The following TUSC3 variants were observed in gnomAD, a reference collection of about 807,000 sequenced individuals.
TUSC3 encodes tumor suppressor candidate 3.
A neutral mutation model predicts 44.8 loss-of-function variants in TUSC3; 45 were observed. That is an observed-to-expected ratio of 1.00 (90% confidence interval 0.79 to 1.29). The LOEUF (loss-of-function observed/expected upper bound fraction) is 1.29, where lower values mean the gene tolerates loss of function less well. Ranked by LOEUF, TUSC3 falls within the 50% of genes most tolerant of loss-of-function variation. TUSC3 has a pLI of 0.00. For synonymous variants in TUSC3, 212 were observed against 152.9 expected (o/e 1.39, Z -2.85); for missense variants, 519 against 437.9 (o/e 1.19, Z -1.65).
At chr8:15,461,925 G>A (rs955053314) in intron 1 of TUSC3, among the ~76,000 whole-genome samples, 2 of 152,018 alleles carry the variant, frequency 1.3e-5, no homozygotes, top group Non-Finnish European at 2.9e-5. Context: ...GTATGGATAT[G>A]TGGTGATTAT....
At chr8:15,851,020 A>T in the TUSC3 span, among the ~76,000 whole-genome samples, 1 of 152,296 alleles carries the variant, frequency 6.6e-6, no homozygotes, top group East Asian at 1.9e-4. Context: ...TGGGAATGGT[A>T]GGTTTGCTGA....
At chr8:15,725,280 C>T (rs755028726) in intron 6 of TUSC3, among the ~76,000 whole-genome samples, 21 of 152,062 alleles carry the variant, frequency 1.4e-4, no homozygotes, top group Non-Finnish European at 2.6e-4. Context: ...ATATGTATTA[C>T]TGAACAACTT....
rs1021635520 is a variant in TUSC3, at chr8:15,438,016, G to A, written n.91+20711G>A. The stretch of plus-strand genomic sequence containing the variant: ...AGGTCTTTCTACTTCTTACCAGCAG[G>A]TTGTTAAATATTTCTGAATATCAGT... On this transcript the variant is annotated intron_variant and non_coding_transcript_variant, in intron 1 of 5. Transcript: ENST00000503191. 8.5e-5 allele frequency among the ~76,000 whole-genome samples: 13 copies of A among 152,168 alleles called. No individual in the cohort carries two copies. In the East Asian group the frequency reaches 2.5e-3, roughly 29 times the overall value.
At chr8:15,540,914 A>G (rs1285141903) in intron 1 of TUSC3, among the ~76,000 whole-genome samples, 3 of 152,258 alleles carry the variant, frequency 2.0e-5, no homozygotes, top group African/African-American at 7.2e-5. Flanking sequence ...GGAAGTATTT[A>G]TAAGCCTGCA....
At chr8:15,432,365 T>C (rs557778912) in intron 1 of TUSC3, among the ~76,000 whole-genome samples, 3 of 152,310 alleles carry the variant, frequency 2.0e-5, no homozygotes, top group African/African-American at 7.2e-5. Flanking sequence ...TGCTACTTTC[T>C]TAAAATGTCC....
chr8:15,471,383 C>A (rs1800492140), intron 1 of TUSC3, among the ~76,000 whole-genome samples: 1 of 152,096 alleles, frequency 6.6e-6, no homozygotes, highest in South Asian at 2.1e-4. Flanking sequence ...TACATCTTTT[C>A]ACTTAGAGCT....
intron 2 of TUSC3, among the ~76,000 whole-genome samples, chr8:15,649,917 T>A (rs1183224202): frequency 1.3e-5 from 2 of 152,214 alleles, no homozygotes; most frequent in African/African-American, 2.4e-5. Context: ...TTTTATTTTT[T>A]AAAAATGTTT....
In TUSC3 at chr8:15,591,151, A is replaced by G. The variant is rs147567029; in HGVS notation, c.139-31929A>G. 5.8e-3 allele frequency among the ~76,000 whole-genome samples: 885 copies of G among 152,214 alleles called. 7 individuals carry two copies. Among genetic ancestry groups the G allele is most frequent in the African/African-American group, 0.02 (823 of 41,548 alleles). On this transcript the variant is annotated intron_variant, in intron 1 of 10. Coordinates refer to ENST00000503731, the MANE Select transcript of TUSC3 (RefSeq NM_006765.4). Reference sequence around the variant, plus strand: ...TTTTTTTGGTTATTTCAGAAAAAATATTTGAAGATTTAAAAGTTGCCAAAA... The same window carrying G: ...TTTTTTTGGTTATTTCAGAAAAAATGTTTGAAGATTTAAAAGTTGCCAAAA...
chr8:15,794,099 T>C, the TUSC3 span, among the ~76,000 whole-genome samples: 15 of 152,308 alleles, frequency 9.8e-5, no homozygotes, highest in African/African-American at 3.4e-4. Context: ...TACATTTCAA[T>C]TGCAGCACTT....
upstream of TUSC3, among the ~76,000 whole-genome samples, chr8:15,539,917 C>G (rs955372756): frequency 6.6e-5 from 10 of 152,092 alleles, no homozygotes; most frequent in African/African-American, 2.4e-4. Context: ...AGCTGTGTTC[C>G]TAATAATGAT....
At chr8:15,639,458 C>G (rs964531741) in intron 2 of TUSC3, among the ~76,000 whole-genome samples, 6 of 152,170 alleles carry the variant, frequency 3.9e-5, no homozygotes, top group Non-Finnish European at 5.9e-5. Context: ...AAAGATCATA[C>G]AAAACGGTGC....
At chr8:15,440,296 C>G (rs1800003765) in intron 1 of TUSC3, among the ~76,000 whole-genome samples, 1 of 151,956 alleles carries the variant, frequency 6.6e-6, no homozygotes, top group African/African-American at 2.4e-5. Flanking sequence ...TATGACAGAT[C>G]CAACAAATAA....
At chr8:15,526,522 C>T (rs981122946) in intron 2 of TUSC3, among the ~76,000 whole-genome samples, 2 of 152,132 alleles carry the variant, frequency 1.3e-5, no homozygotes, top group Non-Finnish European at 2.9e-5. Flanking sequence ...AGGTTTCCCC[C>T]ATACTGTTCT....
rs1441409172 is a variant in TUSC3, at chr8:15,668,158, C to G, written c.709-5589C>G. ...TGTAGCCACAGCATTTAGAATTGTG[C>G]CTGGCATGTAGAAAGTGTTTAGTAA... On this transcript the variant is annotated intron_variant, in intron 5 of 10. Transcript: ENST00000503731. Among the ~76,000 whole-genome samples, 4 of 151,616 alleles carry G rather than the reference C, an allele frequency of 2.6e-5. No homozygotes were observed. In the Admixed American group the frequency reaches 2.6e-4, roughly 10 times the overall value.
At position 15,569,556 on chromosome 8, in the gene TUSC3, G is replaced by A. The variant is rs544892247; in HGVS notation, c.138+28988G>A. ...AAGGAGCCAGGTATTTAGAAGGAGC[G>A]TGAGTAAATAATTTATGATTCAAAC... is the stretch of plus-strand genomic sequence containing the variant. On this transcript the variant is annotated intron_variant, in intron 1 of 10. Coordinates refer to ENST00000503731, the MANE Select transcript of TUSC3 (RefSeq NM_006765.4). 1.1e-4 allele frequency among the ~76,000 whole-genome samples: 17 copies of A among 152,198 alleles called. No homozygotes were observed. In the South Asian group the frequency reaches 2.7e-3, roughly 24 times the overall value.
chr8:15,739,322 A>G (rs548216836), intron 7 of TUSC3, among the ~76,000 whole-genome samples: 32 of 152,242 alleles, frequency 2.1e-4, no homozygotes, highest in Middle Eastern at 6.8e-3. Flanking sequence ...TTATTTGGGA[A>G]TAGCTTTATA....
chr8:15,550,717 G>C (rs1478083644), intron 1 of TUSC3, among the ~76,000 whole-genome samples: 1 of 151,294 alleles, frequency 6.6e-6, no homozygotes, highest in East Asian at 2.0e-4. Flanking sequence ...TGTCACCCAG[G>C]TTGGAGTGCA....
At chr8:15,813,475 G>C in the TUSC3 span, among the ~76,000 whole-genome samples, 4,657 of 151,944 alleles carry the variant, frequency 0.031, 245 homozygotes, top group African/African-American at 0.11. Flanking sequence ...TCTGATACTG[G>C]TTCTTTCCTG....
intron 2 of TUSC3, among the ~76,000 whole-genome samples, chr8:15,640,542 C>A (rs1806317712): frequency 6.6e-6 from 1 of 152,176 alleles, no homozygotes; most frequent in African/African-American, 2.4e-5. Flanking sequence ...ATTTAATATT[C>A]ATTTTAGTTT....
Sources: gnomAD v4.1 joint callset for allele counts (sites outside exome capture counted in the v4.1 genomes callset) on GRCh38, gnomAD v4.1.1 for gene constraint, MANE v1.5 for transcripts, NCBI Gene and HGNC (gene_info 2026-07-23, HGNC 2026-07-21) for gene names.